ZNF428: variants seen among roughly 807,000 people sequenced by gnomAD.
The protein encoded by ZNF428 is enzyme-like protein PIT13.
ZNF428 carries 5 observed loss-of-function variants against 15.6 expected under a neutral mutation model. The ratio of observed to expected loss-of-function variants is 0.32; its 90% confidence interval spans 0.17 to 0.67. The LOEUF is 0.67. Among genes scored for constraint, ZNF428 ranks in the 30% least tolerant of loss-of-function variants. The pLI is 0.73. For synonymous variants in ZNF428, 97 were observed against 102.2 expected (o/e 0.95, Z 0.31); for missense variants, 237 against 256.0 (o/e 0.93, Z 0.51).
chr19:43,612,892 C>T lies in ZNF428; in HGVS notation c.76+1337G>A, dbSNP rs954535612. ...TCATCCCCAGTAGGGAAAAGAGTTA[C>T]AGCCCCACTGAAATGTCCAGCAGGG... On this transcript the variant is annotated intron_variant, in intron 2 of 2. Coordinates refer to ENST00000300811, the MANE Select transcript of ZNF428 (RefSeq NM_182498.4). The surrounding 1 kb of genome is among the most constrained non-coding windows in gnomAD (Gnocchi z 4.2). 1.3e-6 allele frequency: 2 copies of T among 1,551,600 alleles called. No individual in the cohort carries two copies. Among genetic ancestry groups the T allele is most frequent in the Non-Finnish European group, 1.7e-6 (2 of 1,147,010 alleles).
rs1040196438 is a variant in ZNF428, at chr19:43,612,717, C to G, written c.76+1512G>C. ...CTGAGCAAGAAGAGTTACCGCCCAC[C>G]AGGAGGCTCAGGTATAGGGAGGAGT... On this transcript the variant is annotated intron_variant, in intron 2 of 2. Transcript: ENST00000300811. This position sits in a 1 kb window ranked among gnomAD's most constrained non-coding sequence, Gnocchi z 4.2. 1 of 1,551,510 alleles carries G rather than the reference C, an allele frequency of 6.4e-7. No individual in the cohort carries two copies. Among genetic ancestry groups the G allele is most frequent in the African/African-American group, 1.4e-5 (1 of 73,024 alleles).
chr19:43,612,407 A>AC lies in ZNF428; in HGVS notation c.76+1821dup. On this transcript the variant is annotated intron_variant, in intron 2 of 2. Transcript: ENST00000300811. This position sits in a 1 kb window ranked among gnomAD's most constrained non-coding sequence, Gnocchi z 4.2. ...AGCAAGAACACCCAGCAGGGTGAGC[A>AC]CCGACACCAGGACCAGCAAAGCCAG... The AC allele has an allele frequency of 6.4e-7, 1 of 1,551,692 alleles. No homozygotes were observed. Among genetic ancestry groups the AC allele is most frequent in the Non-Finnish European group, 8.7e-7 (1 of 1,147,000 alleles).
At chr19:43,611,270 A>T (rs1973293055) in intron 2 of ZNF428, among the ~76,000 whole-genome samples, 2 of 150,376 alleles carry the variant, frequency 1.3e-5, no homozygotes, top group African/African-American at 4.9e-5. Flanking sequence ...CAAGACCCTG[A>T]TCTCCCTCCC....
Position 43,607,726 on chromosome 19 carries a change from T to C in ZNF428, c.458A>G (p.Glu153Gly), listed in dbSNP as rs758540656. The C allele has an allele frequency of 3.7e-6, 6 of 1,613,470 alleles. No homozygotes were observed. In the African/African-American group the frequency reaches 6.7e-5, roughly 18 times the overall value. The change falls in exon 3 of 3, where the codon GAG (glutamate) becomes GGG (glycine). Residue 153 changes from glutamate (E) to glycine (G), a missense_variant. Physicochemically the swap from Glu to Gly is moderately conservative, Grantham distance 98 (BLOSUM62 -2). Coordinates refer to ENST00000300811, the MANE Select transcript of ZNF428 (RefSeq NM_182498.4). This position sits in a 1 kb window ranked among gnomAD's most constrained non-coding sequence, Gnocchi z 5.1. ...EGRPAGREEE[E>G]EEEEEGTYHC... Reference sequence around the variant, plus strand: ...GTAGGTTCCCTCCTCCTCCTCTTCCTCCTCCTCCTCCCGCCCAGCTGGTCG... The same window carrying C: ...GTAGGTTCCCTCCTCCTCCTCTTCCCCCTCCTCCTCCCGCCCAGCTGGTCG...
intron 2 of ZNF428, 62 bp from the exon 3 acceptor site, chr19:43,608,169 TC>T: frequency 6.5e-7 from 1 of 1,549,716 alleles, no homozygotes. Context: ...GGCCAAGCTG[TC>T]CCCTCCCTGA....
intron 2 of ZNF428, chr19:43,613,109 A>G (rs1267440120): frequency 6.4e-7 from 1 of 1,551,672 alleles, no homozygotes; most frequent in Admixed American, 2.0e-5. Context: ...GGGAAGACAC[A>G]GCCAGTCTAG....
At chr19:43,619,329 G>A (rs986910848) in intron 1 of ZNF428, among the ~76,000 whole-genome samples, 1 of 152,240 alleles carries the variant, frequency 6.6e-6, no homozygotes, top group African/African-American at 2.4e-5. Context: ...GATGCACCAG[G>A]CCTACGACTA....
In ZNF428 at chr19:43,613,599, AAG is replaced by A. The variant is rs1297293934; in HGVS notation, c.76+628_76+629del. 2.6e-6 allele frequency: 4 copies of A among 1,550,316 alleles called. No individual in the cohort carries two copies. The South Asian group carries it at 3.6e-5, about 14-fold the overall frequency. ...CACAGCCAACTTGGAAGCCCCAGCA[AAG>A]AGAGAGATCACAGACGATCTAGAAG... On this transcript the variant is annotated intron_variant, in intron 2 of 2. Coordinates refer to ENST00000300811, the MANE Select transcript of ZNF428 (RefSeq NM_182498.4).
chr19:43,608,549 G>A (rs1973263738), intron 2 of ZNF428: 1 of 156,288 alleles, frequency 6.4e-6, no homozygotes, highest in Non-Finnish European at 1.4e-5. Flanking sequence ...AGGATCACTT[G>A]AGCCGAGGAG....
rs929379096 is a variant in ZNF428, at chr19:43,608,183, C to A, written c.77-76G>T. The A allele has an allele frequency of 5.9e-6, 9 of 1,534,848 alleles. No homozygotes were observed. In the Admixed American group the frequency reaches 1.6e-4, roughly 27 times the overall value. On this transcript the variant is annotated intron_variant, in intron 2 of 2. Transcript: ENST00000300811. The stretch of plus-strand genomic sequence containing the variant: ...AGGCCAAGCTGTCCCCTCCCTGAAT[C>A]CCCACATTCAGACTTGCCATAGTAT...
At position 43,612,882 on chromosome 19, in the gene ZNF428, A is replaced by T. The variant is rs532462200; in HGVS notation, c.76+1347T>A. On this transcript the variant is annotated intron_variant, in intron 2 of 2. Coordinates refer to ENST00000300811, the MANE Select transcript of ZNF428 (RefSeq NM_182498.4). This position sits in a 1 kb window ranked among gnomAD's most constrained non-coding sequence, Gnocchi z 4.2. Reference sequence around the variant, plus strand: ...GGTCAGATGATCATCCCCAGTAGGGAAAAGAGTTACAGCCCCACTGAAATG... The same window carrying T: ...GGTCAGATGATCATCCCCAGTAGGGTAAAGAGTTACAGCCCCACTGAAATG... 1 of 1,551,584 alleles carries T rather than the reference A, an allele frequency of 6.4e-7. No homozygotes were observed.
chr19:43,616,810 TCC>T (rs1973375682), intron 1 of ZNF428, among the ~76,000 whole-genome samples: 1 of 139,284 alleles, frequency 7.2e-6, no homozygotes, highest in African/African-American at 2.7e-5. Context: ...GTCCTCCTCC[TCC>T]TTTTTTTTTT....
intron 2 of ZNF428, among the ~76,000 whole-genome samples, chr19:43,610,137 T>C (rs565134528): frequency 1.3e-5 from 2 of 151,936 alleles, no homozygotes; most frequent in Non-Finnish European, 2.9e-5. Context: ...TTCTCAAGTG[T>C]CACCTTCTCA....
intron 2 of ZNF428, among the ~76,000 whole-genome samples, chr19:43,608,890 T>G (rs1322023722): frequency 6.8e-6 from 1 of 148,084 alleles, no homozygotes; most frequent in Non-Finnish European, 1.5e-5. Context: ...ATCACACAAC[T>G]GCACTCCAGC....
chr19:43,609,215 G>A (rs893878637), intron 2 of ZNF428, among the ~76,000 whole-genome samples: 2 of 152,310 alleles, frequency 1.3e-5, no homozygotes, highest in East Asian at 3.9e-4. Flanking sequence ...TCACTCCCCT[G>A]TGGTTACACA....
At chr19:43,616,417 G>A (rs35346236) in intron 1 of ZNF428, among the ~76,000 whole-genome samples, 1 of 151,940 alleles carries the variant, frequency 6.6e-6, no homozygotes, top group East Asian at 1.9e-4. Flanking sequence ...TCCTTCTCTG[G>A]AAGAAAGGGG....
intron 2 of ZNF428, among the ~76,000 whole-genome samples, chr19:43,608,353 C>A (rs1568533517): frequency 6.6e-6 from 1 of 152,212 alleles, no homozygotes; most frequent in Middle Eastern, 3.2e-3. Flanking sequence ...CAGGACTGGG[C>A]ACAGTGGCTT....
Position 43,608,118 on chromosome 19 carries a change from A to G in ZNF428, c.77-11T>C. The G allele has an allele frequency of 6.2e-7, 1 of 1,604,762 alleles. No homozygotes were observed. Among genetic ancestry groups the G allele is most frequent in the South Asian group, 1.1e-5 (1 of 89,498 alleles). On this transcript the variant is annotated splice_polypyrimidine_tract_variant and intron_variant, in intron 2 of 2. Transcript: ENST00000300811. ...AGGAATGCTCGGGGCCTGGAGGGGG[A>G]CAGACAGGGGAAGACAGTGGTATCA... is the stretch of plus-strand genomic sequence containing the variant.
At chr19:43,615,928 G>C (rs573981309) in intron 1 of ZNF428, among the ~76,000 whole-genome samples, 1 of 152,166 alleles carries the variant, frequency 6.6e-6, no homozygotes, top group Non-Finnish European at 1.5e-5. Context: ...GGGTTTTTAC[G>C]GAGGCTTTAA....
Sources: gnomAD v4.1 joint callset for allele counts (sites outside exome capture counted in the v4.1 genomes callset) on GRCh38, gnomAD v4.1.1 for gene constraint, Gnocchi (gnomAD v3.1) non-coding constraint, MANE v1.5 for transcripts, NCBI Gene and HGNC (gene_info 2026-07-23, HGNC 2026-07-21) for gene names.